The following COL19A1 variants were observed in gnomAD, a reference collection of about 807,000 sequenced individuals.
COL19A1 encodes the protein collagen alpha-1(XIX) chain.
COL19A1 carries 159 observed loss-of-function variants against 190.2 expected under a neutral mutation model. The observed-to-expected ratio is 0.84, with a 90% CI of 0.73 to 0.95. The LOEUF (loss-of-function observed/expected upper bound fraction) is 0.95, where lower values mean the gene tolerates loss of function less well. Among genes scored for constraint, COL19A1 ranks in the 40% least tolerant of loss-of-function variants. The pLI is 0.00. For synonymous variants in COL19A1, 509 were observed against 458.9 expected, an observed-to-expected ratio of 1.11 and a Z score of -1.39; for missense variants, 1,418 against 1,431.9, an observed-to-expected ratio of 0.99 and a Z score of 0.16.
chr6:70,097,219 A>G (rs963614707), intron 15 of COL19A1, among the ~76,000 whole-genome samples: 20 of 152,214 alleles, frequency 1.3e-4, no homozygotes, highest in African/African-American at 4.6e-4. Flanking sequence ...AAGTTAAAAA[A>G]AAGAGCTTTT....
At chr6:69,879,814 G>T in intron 2 of COL19A1, 156 bp downstream of exon 2, 1 of 686,988 alleles carries the variant, frequency 1.5e-6, no homozygotes, top group Non-Finnish European at 2.4e-6. Flanking sequence ...TTCCCATGAT[G>T]CACATTAGGA....
rs116523124 is a variant in COL19A1 at position 70,202,967 on chromosome 6, C to A, written c.3223+3231C>A. Among the ~76,000 whole-genome samples, 518 of 152,258 alleles carry A rather than the reference C, an allele frequency of 3.4e-3. 3 individuals carry two copies. The highest frequency in any genetic ancestry group is 0.012 in the African/African-American group (491 of 41,544). ...GCCTTGAGAGAACTTTCCTTGGTGTCCATTCCCACCTGGGGCTTGCAGCAC... is the reference window on the plus strand; with the variant it reads ...GCCTTGAGAGAACTTTCCTTGGTGTACATTCCCACCTGGGGCTTGCAGCAC... On this transcript the variant is annotated intron_variant, in intron 49 of 50. Coordinates refer to ENST00000620364, the MANE Select transcript of COL19A1 (RefSeq NM_001858.6).
At chr6:69,973,612 G>GT (rs1311769820) in intron 11 of COL19A1, among the ~76,000 whole-genome samples, 70 of 131,032 alleles carry the variant, frequency 5.3e-4, no homozygotes, top group Admixed American at 1.3e-3. Context: ...AAAAAGATGT[G>GT]TTTTTTTAAA....
intron 11 of COL19A1, among the ~76,000 whole-genome samples, chr6:70,002,259 C>T (rs944819557): frequency 1.3e-5 from 2 of 152,110 alleles, no homozygotes; most frequent in Non-Finnish European, 1.5e-5. Flanking sequence ...CTGCTGGATT[C>T]GGTTTGCCAG....
chr6:70,141,959 C>T (rs1347229735), intron 21 of COL19A1, 31 bp downstream of exon 21: 2 of 1,609,420 alleles, frequency 1.2e-6, no homozygotes, highest in Middle Eastern at 1.7e-4. Context: ...AATTTCCTCT[C>T]CAACCTTAAT....
intron 3 of COL19A1, 24 bp from the exon 4 acceptor site, chr6:69,900,215 T>C (rs778341387): frequency 2.9e-6 from 4 of 1,400,648 alleles, no homozygotes; most frequent in Non-Finnish European, 3.9e-6. Flanking sequence ...TTTATTAAAT[T>C]GAATCATCTG....
chr6:70,065,762 G>GA (rs1781150408), intron 14 of COL19A1, among the ~76,000 whole-genome samples: 2 of 152,088 alleles, frequency 1.3e-5, no homozygotes, highest in Admixed American at 1.3e-4. Flanking sequence ...AAATTTACAA[G>GA]AAAAAAACAA....
At chr6:70,059,282 T>C (rs1780685830) in intron 14 of COL19A1, among the ~76,000 whole-genome samples, 1 of 152,164 alleles carries the variant, frequency 6.6e-6, no homozygotes, top group South Asian at 2.1e-4. Context: ...TGTAATACTT[T>C]AAAATGAAAC....
chr6:70,154,517 C>G (rs1349972718), intron 31 of COL19A1, among the ~76,000 whole-genome samples: 1 of 152,074 alleles, frequency 6.6e-6, no homozygotes. Flanking sequence ...GATGATTTGC[C>G]TCATGTATTC....
At chr6:69,935,554 T>G (rs1325084763) in intron 7 of COL19A1, among the ~76,000 whole-genome samples, 1 of 152,058 alleles carries the variant, frequency 6.6e-6, no homozygotes, top group Non-Finnish European at 1.5e-5. Context: ...CTTTCAAATT[T>G]GGGAACTTGT....
At chr6:70,047,242 G>A (rs1779963610) in intron 14 of COL19A1, among the ~76,000 whole-genome samples, 1 of 151,994 alleles carries the variant, frequency 6.6e-6, no homozygotes, top group South Asian at 2.1e-4. Context: ...AATACTTAAT[G>A]TCAAGATGAC....
intron 2 of COL19A1, among the ~76,000 whole-genome samples, chr6:69,897,482 CA>C (rs1769870297): frequency 1.3e-5 from 2 of 152,166 alleles, no homozygotes; most frequent in African/African-American, 4.8e-5. Context: ...CACACACACA[CA>C]CACACCCCAT....
At chr6:69,977,768 G>A (rs1480969662) in intron 11 of COL19A1, among the ~76,000 whole-genome samples, 1 of 151,994 alleles carries the variant, frequency 6.6e-6, no homozygotes, top group East Asian at 1.9e-4. Context: ...TGCTAGTTAA[G>A]TTCCTGAAGC....
At chr6:70,162,078 G>A (rs941405585) in intron 35 of COL19A1, 125 bp downstream of exon 35, 4 of 795,796 alleles carry the variant, frequency 5.0e-6, no homozygotes, top group African/African-American at 1.8e-5. Flanking sequence ...ATATTGCCTG[G>A]AAAAGTAGCC....
intron 14 of COL19A1, among the ~76,000 whole-genome samples, chr6:70,057,157 G>T (rs936477132): frequency 5.9e-5 from 9 of 152,162 alleles, no homozygotes; most frequent in African/African-American, 2.2e-4. Context: ...ATGTTTTCAC[G>T]TGGCCACTGA....
intron 2 of COL19A1, among the ~76,000 whole-genome samples, chr6:69,895,993 G>C (rs1769705535): frequency 6.6e-6 from 1 of 152,082 alleles, no homozygotes; most frequent in African/African-American, 2.4e-5. Context: ...CTGGTTCATT[G>C]AATTTTCAAG....
At chr6:70,050,932 C>T (rs150054182) in intron 14 of COL19A1, among the ~76,000 whole-genome samples, 165 of 152,162 alleles carry the variant, frequency 1.1e-3, no homozygotes, top group African/African-American at 3.8e-3. Flanking sequence ...TAGAGAAACA[C>T]TGGATGTAAG....
intron 16 of COL19A1, among the ~76,000 whole-genome samples, chr6:70,108,383 A>G (rs756119694): frequency 1.3e-5 from 2 of 152,122 alleles, no homozygotes; most frequent in Admixed American, 6.6e-5. Flanking sequence ...ATTTGTGTGC[A>G]TAGCAATTTC....
chr6:69,925,355 T>G (rs1772295860), intron 4 of COL19A1, among the ~76,000 whole-genome samples: 1 of 152,204 alleles, frequency 6.6e-6, no homozygotes, highest in African/African-American at 2.4e-5. Flanking sequence ...CCTTTCCCCA[T>G]TGCTTGTTTT....
Sources: allele counts gnomAD v4.1 joint callset (sites outside exome capture counted in the v4.1 genomes callset), GRCh38; gene constraint gnomAD v4.1.1; transcripts MANE v1.5; gene names NCBI Gene and HGNC (gene_info 2026-07-23, HGNC 2026-07-21).